SHANK2: variants seen among roughly 807,000 people sequenced by gnomAD.
SHANK2 encodes the protein SH3 and multiple ankyrin repeat domains 2.
SHANK2 carries 43 observed loss-of-function variants against 133.7 expected under a neutral mutation model. That is an observed-to-expected ratio of 0.32 (90% CI 0.25 to 0.41). The LOEUF is 0.41. Ranked by LOEUF, SHANK2 falls within the 10% of genes least tolerant of loss-of-function variation. The pLI is 1.00. For missense variants in SHANK2, 1,994 were observed against 2,235.8 expected (o/e 0.89, Z 2.18); for synonymous variants, 1,017 against 952.8 (o/e 1.07, Z -1.24).
chr11:70,953,086 A>T (rs1555087019), intron 10 of SHANK2, among the ~76,000 whole-genome samples: 1 of 151,896 alleles, frequency 6.6e-6, no homozygotes. Flanking sequence ...GACCTTGGTG[A>T]TTACGCTGGC....
rs1951375671 is a variant in SHANK2 at position 71,085,626 on chromosome 11, TTATAA to T, written c.912+6791_912+6795del. ...TATTAAATATATATTATATTATATA[TTATAA>T]TATATATAATATATTATGTTATATA... On this transcript the variant is annotated intron_variant, in intron 8 of 25. Coordinates refer to ENST00000601538, the MANE Select transcript of SHANK2 (RefSeq NM_012309.5). Among the ~76,000 whole-genome samples, 4 of 68,076 alleles carry T rather than the reference TTATAA, an allele frequency of 5.9e-5. No individual in the cohort carries two copies. In the South Asian group the frequency reaches 1.7e-3, roughly 28 times the overall value. 44.7% of individuals were successfully genotyped at this position (68,076 alleles called of 152,430 possible).
At chr11:70,599,959 G>T (rs2060469183) in intron 17 of SHANK2, among the ~76,000 whole-genome samples, 1 of 126,690 alleles carries the variant, frequency 7.9e-6, no homozygotes, top group African/African-American at 3.4e-5. Context: ...AAGAAAGAAA[G>T]AAAGAAAGAA....
At chr11:70,678,750 C>T (rs1461926181) in intron 15 of SHANK2, among the ~76,000 whole-genome samples, 1 of 151,818 alleles carries the variant, frequency 6.6e-6, no homozygotes, top group Non-Finnish European at 1.5e-5. Context: ...ACCATGTTGG[C>T]CAGGTTGGTC....
intron 14 of SHANK2, among the ~76,000 whole-genome samples, chr11:70,715,268 G>T (rs543986802): frequency 1.0e-3 from 154 of 152,362 alleles, no homozygotes; most frequent in African/African-American, 3.6e-3. Flanking sequence ...GACGGGCTGT[G>T]CCCAGGGTCA....
intron 8 of SHANK2, among the ~76,000 whole-genome samples, chr11:71,079,955 GGGAAAGAA>G (rs1485065447): frequency 1.4e-5 from 2 of 147,334 alleles, no homozygotes; most frequent in African/African-American, 5.0e-5. Context: ...TGGGGAAGGA[GGGAAAGAA>G]GGAAAGAAAG....
Position 70,471,072 on chromosome 11 carries a change from T to A in SHANK2, c.*1797A>T. 2.6e-6 allele frequency: 1 copy of A among 388,470 alleles called. No individual in the cohort carries two copies. Among genetic ancestry groups the A allele is most frequent in the Non-Finnish European group, 4.5e-6 (1 of 220,338 alleles). 24.1% of individuals were successfully genotyped at this position (388,470 alleles called of 1,614,324 possible). A position where few individuals can be genotyped will look rare whatever the true frequency, so the allele number is the denominator to read the frequency against. ...ATAGTATTATTAAATCACAAAAGTT[T>A]TTTTTTCTTTAACTTTCTAGCACTG... On this transcript the variant is annotated 3_prime_UTR_variant, in exon 26 of 26. Transcript: ENST00000601538. The surrounding 1 kb of genome is among the most constrained non-coding windows in gnomAD (Gnocchi z 4.1).
chr11:71,228,271 C>A (rs1165229054), intron 1 of SHANK2, among the ~76,000 whole-genome samples: 1 of 152,170 alleles, frequency 6.6e-6, no homozygotes, highest in African/African-American at 2.4e-5. Flanking sequence ...TTTTTAAACT[C>A]CAGTTTTTTT....
intron 11 of SHANK2, among the ~76,000 whole-genome samples, chr11:70,889,261 G>A (rs117982578): frequency 2.3e-4 from 35 of 152,296 alleles, no homozygotes; most frequent in Non-Finnish European, 4.6e-4. Context: ...GAAGACAGAG[G>A]CGGAGGCTGG....
chr11:70,790,273 G>C (rs1368570286), intron 14 of SHANK2, among the ~76,000 whole-genome samples: 1 of 152,080 alleles, frequency 6.6e-6, no homozygotes, highest in Non-Finnish European at 1.5e-5. Flanking sequence ...GGGGAGGTGG[G>C]CACTGTCTCT....
chr11:70,502,320 C>T, intron 18 of SHANK2, 34 bp from the exon 19 acceptor site: 2 of 1,538,970 alleles, frequency 1.3e-6, no homozygotes, highest in East Asian at 2.4e-5. Context: ...TGTGAGACCC[C>T]AGCCCATGTT....
Position 70,535,716 on chromosome 11 carries a change from G to A in SHANK2, c.2062-32785C>T, listed in dbSNP as rs539537515. Among the ~76,000 whole-genome samples the A allele has an allele frequency of 1.4e-4, 22 of 152,342 alleles. No homozygotes were observed. Among genetic ancestry groups the A allele is most frequent in the African/African-American group, 3.1e-4 (13 of 41,578 alleles). ...AGGAGGATGGCCACCCAGGGGGACCGAGGCCAGCCCTGCAGCAGGGCCACC... is the reference window on the plus strand; with the variant it reads ...AGGAGGATGGCCACCCAGGGGGACCAAGGCCAGCCCTGCAGCAGGGCCACC... On this transcript the variant is annotated intron_variant, in intron 17 of 25. Coordinates refer to ENST00000601538, the MANE Select transcript of SHANK2 (RefSeq NM_012309.5). The surrounding 1 kb of genome is among the most constrained non-coding windows in gnomAD (Gnocchi z 4.3).
chr11:70,485,431 G>C lies in SHANK2; in HGVS notation c.4862C>G (p.Ala1621Gly). The change falls in exon 25 of 26, where the codon GCA becomes GGA. Residue 1621 changes from alanine to glycine, a missense_variant. By Grantham distance (60) the Ala-to-Gly change is moderately conservative. Transcript: ENST00000601538. This position sits in a 1 kb window ranked among gnomAD's most constrained non-coding sequence, Gnocchi z 5.8. ...AGAGTTCAATTCACTAATAACGTTT[G>C]CCTTTGGGCCTGAGAGAATCGGGCT... Reference protein sequence around the residue: ...IKSPILSGPKANVISELNSIL... With the variant: ...IKSPILSGPKGNVISELNSIL... 1 of 1,614,048 alleles carries C rather than the reference G, an allele frequency of 6.2e-7. No individual in the cohort carries two copies. Among genetic ancestry groups the C allele is most frequent in the Non-Finnish European group, 8.5e-7 (1 of 1,180,040 alleles).
rs1003798311 is a variant in SHANK2, at chr11:71,066,722, C to T, written c.1029+8437G>A. 4.8e-3 allele frequency among the ~76,000 whole-genome samples: 724 copies of T among 152,210 alleles called. 3 individuals carry two copies. The highest frequency in any genetic ancestry group is 0.017 in the African/African-American group (696 of 41,522). The stretch of plus-strand genomic sequence containing the variant: ...TTTTGAAATAAGGCCTTTTGGGCAG[C>T]CATAAATGTAAAAACAACTAAGATG... On this transcript the variant is annotated intron_variant, in intron 9 of 25. Coordinates refer to ENST00000601538, the MANE Select transcript of SHANK2 (RefSeq NM_012309.5).
intron 14 of SHANK2, among the ~76,000 whole-genome samples, chr11:70,771,289 C>T (rs782038330): frequency 2.0e-4 from 30 of 152,278 alleles, no homozygotes; most frequent in African/African-American, 4.3e-4. Flanking sequence ...GAAGGAGTGA[C>T]GGGCTCTTTC....
intron 17 of SHANK2, among the ~76,000 whole-genome samples, chr11:70,657,646 T>C (rs2061420571): frequency 1.3e-5 from 2 of 152,178 alleles, no homozygotes; most frequent in Admixed American, 6.5e-5. Flanking sequence ...CTCCTTGGGT[T>C]ATCTGTGATA....
chr11:70,817,999 T>A (rs1483634742), intron 12 of SHANK2, among the ~76,000 whole-genome samples: 3 of 152,166 alleles, frequency 2.0e-5, no homozygotes, highest in Non-Finnish European at 4.4e-5. Flanking sequence ...TCTCCCAAAG[T>A]GCTAGGATTA....
In SHANK2 at chr11:71,147,331, G is replaced by A. The variant is rs1486115394; in HGVS notation, c.-5C>T. On this transcript the variant is annotated 5_prime_UTR_variant, in exon 3 of 26. Coordinates refer to ENST00000601538, the MANE Select transcript of SHANK2 (RefSeq NM_012309.5). ...GGATGTTGGGCTGCGCGGCATGGCT[G>A]CCTGTGTCTTCGAGGTGGGGAGAAG... is the stretch of plus-strand genomic sequence containing the variant. The A allele has an allele frequency of 9.6e-5, 149 of 1,544,432 alleles. 1 individual carries two copies. Among genetic ancestry groups the A allele is most frequent in the Non-Finnish European group, 1.2e-4 (142 of 1,142,194 alleles).
At chr11:70,642,495 C>T (rs565481058) in intron 17 of SHANK2, among the ~76,000 whole-genome samples, 1 of 152,318 alleles carries the variant, frequency 6.6e-6, no homozygotes, top group South Asian at 2.1e-4. Context: ...AGAGTGGTAG[C>T]TTTGTTAGAT....
At position 70,814,548 on chromosome 11, in the gene SHANK2, C is replaced by A. The variant is rs567382101; in HGVS notation, c.1493+5816G>T. On this transcript the variant is annotated intron_variant, in intron 12 of 25. Coordinates refer to ENST00000601538, the MANE Select transcript of SHANK2 (RefSeq NM_012309.5). Reference sequence around the variant, plus strand: ...CAAGGCCCCTTCTGCCCATTTCATCCGCCTGAAACCCTGAACGCAGCTGCA... The same window carrying A: ...CAAGGCCCCTTCTGCCCATTTCATCAGCCTGAAACCCTGAACGCAGCTGCA... Among the ~76,000 whole-genome samples the A allele has an allele frequency of 2.0e-5, 3 of 152,180 alleles. No homozygotes were observed. The East Asian group carries it at 5.8e-4, about 29-fold the overall frequency.
Sources: gnomAD v4.1 joint callset for allele counts (sites outside exome capture counted in the v4.1 genomes callset) on GRCh38, gnomAD v4.1.1 for gene constraint, Gnocchi (gnomAD v3.1) non-coding constraint, MANE v1.5 for transcripts, NCBI Gene and HGNC (gene_info 2026-07-23, HGNC 2026-07-21) for gene names.